Variants in CBLN2 observed in about 807,000 individuals in gnomAD.
CBLN2 encodes the protein cerebellin 2 precursor.
In CBLN2, 7 loss-of-function variants were observed where a neutral mutation model predicts 15.0. The ratio of observed to expected loss-of-function variants is 0.47; its 90% confidence interval spans 0.27 to 0.88. The LOEUF (loss-of-function observed/expected upper bound fraction) is 0.88. CBLN2 is among the 40% of genes least tolerant of loss of function. The pLI is 0.14. For synonymous variants in CBLN2, 149 were observed against 135.2 expected (o/e 1.10, Z -0.71); for missense variants, 242 against 304.5 (o/e 0.79, Z 1.53).
chr18:72,559,887 T>A (rs1022729629), intron 1 of CBLN2, among the ~76,000 whole-genome samples: 1 of 152,218 alleles, frequency 6.6e-6, no homozygotes, highest in Non-Finnish European at 1.5e-5. Context: ...CAGAGCACCT[T>A]GATTTTGTAG....
At chr18:72,582,314 A>C (rs2144919768) in intron 1 of CBLN2, among the ~76,000 whole-genome samples, 1 of 152,256 alleles carries the variant, frequency 6.6e-6, no homozygotes, top group Non-Finnish European at 1.5e-5. Context: ...GTGTCTCCTA[A>C]CTGACATGAT....
Position 72,566,915 on chromosome 18 carries a change from T to A in CBLN2, c.16-28143A>T, listed in dbSNP as rs1204709109. 2.6e-5 allele frequency among the ~76,000 whole-genome samples: 4 copies of A among 152,010 alleles called. No homozygotes were observed. In the East Asian group the frequency reaches 7.7e-4, roughly 29 times the overall value. On this transcript the variant is annotated intron_variant, in intron 1 of 2. Coordinates refer to the CBLN2 transcript ENST00000581073. ...TCACAGCACACTGCAGCTTCCACCTTCTGGCTCAAATTATCCTCCTACCTC... is the reference window on the plus strand; with the variant it reads ...TCACAGCACACTGCAGCTTCCACCTACTGGCTCAAATTATCCTCCTACCTC...
chr18:72,582,538 T>G (rs912158972), intron 1 of CBLN2, among the ~76,000 whole-genome samples: 3 of 152,168 alleles, frequency 2.0e-5, no homozygotes, highest in African/African-American at 7.2e-5. Context: ...AGGAGCTTTT[T>G]CCTGGGGTCT....
chr18:72,625,656 T>C (rs2069731070), intron 1 of CBLN2, among the ~76,000 whole-genome samples: 1 of 144,776 alleles, frequency 6.9e-6, no homozygotes, highest in South Asian at 2.2e-4. Flanking sequence ...ATTATTATTA[T>C]TATAGGATTA....
At chr18:72,619,227 C>T in intron 1 of CBLN2, 4 of 920,068 alleles carry the variant, frequency 4.3e-6, no homozygotes, top group South Asian at 1.3e-5. Context: ...ATTTTAATTA[C>T]AGTCAGGAAA....
chr18:72,584,414 C>T (rs527281118), intron 1 of CBLN2, among the ~76,000 whole-genome samples: 34 of 151,930 alleles, frequency 2.2e-4, no homozygotes, highest in African/African-American at 8.0e-4. Flanking sequence ...CAGGTTCAAG[C>T]GATTCTCCAG....
At chr18:72,556,346 A>G (rs915344688) in intron 1 of CBLN2, among the ~76,000 whole-genome samples, 3 of 152,240 alleles carry the variant, frequency 2.0e-5, no homozygotes, top group Non-Finnish European at 4.4e-5. Context: ...TAAACCTGGC[A>G]TCAATATTAT....
intron 1 of CBLN2, among the ~76,000 whole-genome samples, chr18:72,587,918 A>G (rs1440032145): frequency 6.6e-6 from 1 of 152,188 alleles, no homozygotes; most frequent in Admixed American, 6.5e-5. Flanking sequence ...AAGTATATAC[A>G]TTGGCTAATG....
chr18:72,622,206 C>G (rs2069705872), intron 1 of CBLN2, among the ~76,000 whole-genome samples: 1 of 152,058 alleles, frequency 6.6e-6, no homozygotes. Context: ...ATTTTCGTAG[C>G]AATATAGTTC....
At position 72,538,030 on chromosome 18, in the gene CBLN2, A is replaced by T; in HGVS notation, c.*146T>A. On this transcript the variant is annotated 3_prime_UTR_variant, in exon 5 of 5. Coordinates refer to ENST00000269503, the MANE Select transcript of CBLN2 (RefSeq NM_182511.4). The stretch of plus-strand genomic sequence containing the variant: ...CAAAAAACAAAAACAAAAGTACTGG[A>T]GGTTTCAAAGGAAATCATTCTTCTA... 1 of 768,274 alleles carries T rather than the reference A, an allele frequency of 1.3e-6. No individual in the cohort carries two copies. Among genetic ancestry groups the T allele is most frequent in the Non-Finnish European group, 2.1e-6 (1 of 472,728 alleles). The allele number at this position is 768,274 out of a possible 1,614,324, so 47.6% of individuals were successfully genotyped here. A position where few individuals can be genotyped will look rare whatever the true frequency, so the allele number is the denominator to read the frequency against.
intron 1 of CBLN2, among the ~76,000 whole-genome samples, chr18:72,608,341 C>A (rs1252883518): frequency 1.3e-5 from 2 of 152,126 alleles, no homozygotes; most frequent in African/African-American, 4.8e-5. Context: ...TACTTTCCCT[C>A]CCCGCTCTGT....
intron 1 of CBLN2, among the ~76,000 whole-genome samples, chr18:72,608,750 TA>T (rs796126633): frequency 5.9e-5 from 9 of 152,302 alleles, no homozygotes; most frequent in African/African-American, 2.2e-4. Context: ...AGTCTGTTCT[TA>T]TGCTGCTAAT....
intron 1 of CBLN2, among the ~76,000 whole-genome samples, chr18:72,582,895 G>C (rs1226696644): frequency 1.3e-5 from 2 of 152,184 alleles, no homozygotes; most frequent in African/African-American, 4.8e-5. Flanking sequence ...ATCTTATGTT[G>C]CATGCTATGT....
intron 1 of CBLN2, among the ~76,000 whole-genome samples, chr18:72,570,991 T>C (rs2069329007): frequency 6.6e-6 from 1 of 151,980 alleles, no homozygotes; most frequent in Admixed American, 6.6e-5. Context: ...CTTATATCTC[T>C]CTCTATATAT....
At chr18:72,593,767 T>C (rs953896719) in intron 1 of CBLN2, among the ~76,000 whole-genome samples, 4 of 152,186 alleles carry the variant, frequency 2.6e-5, no homozygotes, top group Admixed American at 2.6e-4. Flanking sequence ...AATGATGATA[T>C]GGTTTTTGTC....
intron 1 of CBLN2, among the ~76,000 whole-genome samples, chr18:72,578,522 T>C (rs772506419): frequency 6.6e-6 from 1 of 152,234 alleles, no homozygotes; most frequent in African/African-American, 2.4e-5. Flanking sequence ...ATCATTTCTA[T>C]TGTCTGGTAT....
At chr18:72,563,706 T>C (rs2069276204) in intron 1 of CBLN2, among the ~76,000 whole-genome samples, 1 of 152,106 alleles carries the variant, frequency 6.6e-6, no homozygotes. Flanking sequence ...CAACCAAGAG[T>C]AGCTGTGGCC....
intron 1 of CBLN2, among the ~76,000 whole-genome samples, chr18:72,577,148 T>G (rs938887327): frequency 1.1e-4 from 17 of 150,416 alleles, no homozygotes; most frequent in African/African-American, 4.1e-4. Flanking sequence ...AATATAGGCT[T>G]TAAAATGCAG....
At chr18:72,562,010 T>C (rs982850913) in intron 1 of CBLN2, among the ~76,000 whole-genome samples, 4 of 152,202 alleles carry the variant, frequency 2.6e-5, no homozygotes, top group African/African-American at 9.7e-5. Context: ...CCTGTGATAA[T>C]TGATTATAAA....
Sources: gnomAD v4.1 joint callset for allele counts (sites outside exome capture counted in the v4.1 genomes callset) on GRCh38, gnomAD v4.1.1 for gene constraint, MANE v1.5 for transcripts, NCBI Gene and HGNC (gene_info 2026-07-23, HGNC 2026-07-21) for gene names.